BCL11A: variants seen among roughly 807,000 people sequenced by gnomAD.
The protein encoded by BCL11A is BCL11 transcription factor A.
A neutral mutation model predicts 55.9 loss-of-function variants in BCL11A; 2 were observed. The ratio of observed to expected loss-of-function variants is 0.04; its 90% CI spans 0.01 to 0.11. The LOEUF is 0.11. BCL11A is among the 10% of genes least tolerant of loss of function. BCL11A has a pLI of 1.00. For synonymous variants in BCL11A, 465 were observed against 473.4 expected, an observed-to-expected ratio of 0.98 and a Z score of 0.23; for missense variants, 817 against 1,137.1, an observed-to-expected ratio of 0.72 and a Z score of 4.05.
At chr2:60,475,694 T>G (rs1192944405) in intron 2 of BCL11A, among the ~76,000 whole-genome samples, 1 of 152,006 alleles carries the variant, frequency 6.6e-6, no homozygotes, top group Non-Finnish European at 1.5e-5. Flanking sequence ...CTGCTCTGAG[T>G]CCTCAGCTGA....
intron 2 of BCL11A, among the ~76,000 whole-genome samples, chr2:60,473,785 C>T (rs1262294072): frequency 6.6e-6 from 1 of 152,160 alleles, no homozygotes; most frequent in Non-Finnish European, 1.5e-5. Flanking sequence ...TGAAAATGTG[C>T]CAGCTTTATC....
At chr2:60,550,597 C>T (rs2104783310) in intron 1 of BCL11A, among the ~76,000 whole-genome samples, 1 of 151,974 alleles carries the variant, frequency 6.6e-6, no homozygotes, top group South Asian at 2.1e-4. Flanking sequence ...GGGATGGCTC[C>T]TGCCCCCTCT....
intron 2 of BCL11A, among the ~76,000 whole-genome samples, chr2:60,498,489 T>A (rs2104383422): frequency 6.6e-6 from 1 of 152,324 alleles, no homozygotes; most frequent in East Asian, 1.9e-4. Context: ...AAGCATTGCA[T>A]CATCCTGGTA....
intron 2 of BCL11A, among the ~76,000 whole-genome samples, chr2:60,530,212 C>T (rs1223308234): frequency 6.6e-6 from 1 of 152,086 alleles, no homozygotes; most frequent in African/African-American, 2.4e-5. Flanking sequence ...CTAACAAGAG[C>T]ACCTTTTCCC....
intron 2 of BCL11A, among the ~76,000 whole-genome samples, chr2:60,505,218 A>G (rs1679518153): frequency 6.6e-6 from 1 of 152,162 alleles, no homozygotes; most frequent in Non-Finnish European, 1.5e-5. Context: ...GATGGGCCCA[A>G]TTTTTCATAA....
intron 2 of BCL11A, among the ~76,000 whole-genome samples, chr2:60,491,689 G>GAA (rs759978839): frequency 2.0e-3 from 266 of 134,744 alleles, no homozygotes; most frequent in Middle Eastern, 3.6e-3. Context: ...AAAGAAAAAA[G>GAA]AAAAAAAAAA....
At chr2:60,464,192 T>C (rs1194481717) in intron 3 of BCL11A, among the ~76,000 whole-genome samples, 1 of 152,198 alleles carries the variant, frequency 6.6e-6, no homozygotes, top group Admixed American at 6.5e-5. Flanking sequence ...CAAGATTAGA[T>C]GGTAAGATAC....
chr2:60,469,723 T>G (rs1033025955), intron 2 of BCL11A, among the ~76,000 whole-genome samples: 4 of 152,028 alleles, frequency 2.6e-5, no homozygotes, highest in Admixed American at 2.6e-4. Flanking sequence ...AGAGGAAAAT[T>G]TGGTTTGTGC....
At chr2:60,552,894 G>GT in intron 1 of BCL11A, among the ~76,000 whole-genome samples, 1 of 152,070 alleles carries the variant, frequency 6.6e-6, no homozygotes, top group Admixed American at 6.5e-5. Flanking sequence ...TGGCGGGGCG[G>GT]GGGGGGAGTG....
chr2:60,472,130 A>C lies in BCL11A; in HGVS notation c.386-3297T>G, dbSNP rs142610611. On this transcript the variant is annotated intron_variant, in intron 2 of 3. Coordinates refer to ENST00000642384, the MANE Select transcript of BCL11A (RefSeq NM_022893.4). ...TAAGGATCCCTCCATTAGGAAATTCAGGTTCCACCCTCCGTCTGTCATTGA... is the reference window on the plus strand; with the variant it reads ...TAAGGATCCCTCCATTAGGAAATTCCGGTTCCACCCTCCGTCTGTCATTGA... Among the ~76,000 whole-genome samples, 6 of 152,342 alleles carry C rather than the reference A, an allele frequency of 3.9e-5. No homozygotes were observed. The South Asian group carries it at 6.2e-4, about 16-fold the overall frequency.
chr2:60,514,168 G>C (rs946302742), intron 2 of BCL11A, among the ~76,000 whole-genome samples: 5 of 152,142 alleles, frequency 3.3e-5, no homozygotes, highest in Non-Finnish European at 1.5e-5. Context: ...CTGGAGCTCT[G>C]AGAGGCTTCC....
intron 1 of BCL11A, among the ~76,000 whole-genome samples, chr2:60,548,496 A>G (rs941304867): frequency 1.3e-5 from 2 of 152,224 alleles, no homozygotes; most frequent in South Asian, 4.1e-4. Flanking sequence ...CTGATTTACA[A>G]TCAAAACCGG....
chr2:60,452,743 T>A, downstream of BCL11A: 1 of 1,174,708 alleles, frequency 8.5e-7, no homozygotes, highest in East Asian at 2.4e-5. Flanking sequence ...TTCTGTTCTC[T>A]AACTAGCTTT....
chr2:60,455,694 T>C (rs1386628921), downstream of BCL11A, among the ~76,000 whole-genome samples: 1 of 152,188 alleles, frequency 6.6e-6, no homozygotes, highest in East Asian at 1.9e-4. Flanking sequence ...GAGCAGCATA[T>C]ACTGAGAAAT....
intron 2 of BCL11A, among the ~76,000 whole-genome samples, chr2:60,512,854 C>T (rs773383939): frequency 3.9e-5 from 6 of 152,204 alleles, no homozygotes; most frequent in Non-Finnish European, 8.8e-5. Context: ...CTACAATACA[C>T]ACCTAAAGTA....
intron 2 of BCL11A, chr2:60,537,992 T>G (rs1279339244): frequency 6.6e-6 from 1 of 152,180 alleles, no homozygotes; most frequent in African/African-American, 2.4e-5. Flanking sequence ...AAACAAAAAC[T>G]CATTGTGAGT....
intron 2 of BCL11A, among the ~76,000 whole-genome samples, chr2:60,523,388 T>G (rs1305343481): frequency 6.6e-6 from 1 of 152,178 alleles, no homozygotes; most frequent in Non-Finnish European, 1.5e-5. Flanking sequence ...ATAATTTGCT[T>G]AAGTCAGATT....
intron 2 of BCL11A, among the ~76,000 whole-genome samples, chr2:60,515,027 C>T (rs1169918761): frequency 6.6e-6 from 1 of 152,158 alleles, no homozygotes; most frequent in Non-Finnish European, 1.5e-5. Flanking sequence ...TAGCTTGTTT[C>T]CAGAATGCCA....
At chr2:60,533,384 G>C (rs1000794174) in intron 2 of BCL11A, 4 of 152,320 alleles carry the variant, frequency 2.6e-5, no homozygotes, top group South Asian at 2.1e-4. Flanking sequence ...ATGCAAGATA[G>C]AAGGAGAGAG....
Sources: allele counts gnomAD v4.1 joint callset (sites outside exome capture counted in the v4.1 genomes callset), GRCh38; gene constraint gnomAD v4.1.1; transcripts MANE v1.5; gene names NCBI Gene and HGNC (gene_info 2026-07-23, HGNC 2026-07-21).